Variants in DSC2 observed in about 807,000 individuals in gnomAD.
The protein encoded by DSC2 is desmocollin-2.
Under a neutral mutation model 87.6 loss-of-function variants are expected in DSC2, and 51 were observed. That is an observed-to-expected ratio of 0.58 (90% confidence interval 0.46 to 0.74). The LOEUF (loss-of-function observed/expected upper bound fraction) is 0.74. DSC2 is among the 30% of genes least tolerant of loss of function. The pLI is 0.00. For synonymous variants in DSC2, 383 were observed against 393.2 expected (o/e 0.97, Z 0.31); for missense variants, 1,066 against 1,089.5 (o/e 0.98, Z 0.30).
intron 11 of DSC2, among the ~76,000 whole-genome samples, chr18:31,077,381 CA>C (rs1987058818): frequency 6.6e-6 from 1 of 152,182 alleles, no homozygotes; most frequent in Non-Finnish European, 1.5e-5. Context: ...TCCACACACA[CA>C]ATTGAGAGCA....
At position 31,066,607 on chromosome 18, in the gene DSC2, T is replaced by C. The variant is rs539091896; in HGVS notation, c.*1408A>G. ...AAATATTAGAAACACATTTAAAATGTCCATATGTTTAGTATAAATAGAAAA... is the reference window on the plus strand; with the variant it reads ...AAATATTAGAAACACATTTAAAATGCCCATATGTTTAGTATAAATAGAAAA... On this transcript the variant is annotated 3_prime_UTR_variant, in exon 16 of 16. Transcript: ENST00000280904. The C allele has an allele frequency of 1.1e-4, 16 of 152,044 alleles. No homozygotes were observed. Among genetic ancestry groups the C allele is most frequent in the East Asian group, 9.6e-4 (5 of 5,196 alleles). 9.4% of individuals were successfully genotyped at this position (152,044 alleles called of 1,614,324 possible).
intron 1 of DSC2, chr18:31,101,198 A>C (rs1484796207): frequency 2.0e-6 from 2 of 985,060 alleles, no homozygotes; most frequent in Non-Finnish European, 2.4e-6. Context: ...TTAAGAAACC[A>C]CTGAAACTGT....
At chr18:31,085,979 C>G (rs982966987) in intron 7 of DSC2, among the ~76,000 whole-genome samples, 1 of 151,574 alleles carries the variant, frequency 6.6e-6, no homozygotes, top group Non-Finnish European at 1.5e-5. Flanking sequence ...TTCAGGGGGG[C>G]CAAGAGACAT....
chr18:31,082,818 A>G (rs988707163), intron 8 of DSC2, 108 bp downstream of exon 8: 8 of 1,314,582 alleles, frequency 6.1e-6, no homozygotes, highest in East Asian at 4.9e-5. Context: ...TCGGCCTCCC[A>G]AAGTGCTGAG....
Position 31,087,762 on chromosome 18 carries a change from G to A in DSC2, c.682C>T (p.Pro228Ser). ...PDGYTPELPL[P>S]LIIKIEDEND... ...TCATCCTCTATTTTGATTATTAGGG[G>A]CAGTGGAAGTTCTGGAGTATACCCA... The change falls in exon 6 of 16, where the codon CCC (proline) becomes TCC (serine). Residue 228 changes from proline to serine, a missense_variant. Pro to Ser is a moderately conservative substitution (Grantham distance 74, BLOSUM62 -1). Coordinates refer to ENST00000280904, the MANE Select transcript of DSC2 (RefSeq NM_024422.6). 1 of 1,613,726 alleles carries A rather than the reference G, an allele frequency of 6.2e-7. No homozygotes were observed. The highest frequency in any genetic ancestry group is 8.5e-7 in the Non-Finnish European group (1 of 1,179,738).
intron 11 of DSC2, among the ~76,000 whole-genome samples, chr18:31,076,882 C>G (rs1305924451): frequency 6.6e-6 from 1 of 152,050 alleles, no homozygotes; most frequent in Non-Finnish European, 1.5e-5. Context: ...ATCGACAGAA[C>G]AAGAAGCATC....
chr18:31,098,004 C>T (rs1987816768), intron 1 of DSC2, among the ~76,000 whole-genome samples: 1 of 152,162 alleles, frequency 6.6e-6, no homozygotes, highest in African/African-American at 2.4e-5. Flanking sequence ...TCTTGACTTA[C>T]AAGAGCTCTT....
rs1358303887 is a variant in DSC2 at position 31,063,124 on chromosome 18, A to C, written c.*4891T>G. On this transcript the variant is annotated 3_prime_UTR_variant, in exon 16 of 16. Coordinates refer to ENST00000280904, the MANE Select transcript of DSC2 (RefSeq NM_024422.6). ...TGCTGACAGATCACTTGAGGTCAGG[A>C]GTTCAAGACCAGCCTGGCCAACATG... The C allele has an allele frequency of 3.3e-5, 5 of 152,104 alleles. No individual in the cohort carries two copies. The highest frequency in any genetic ancestry group is 1.2e-4 in the African/African-American group (5 of 41,394). 9.4% of individuals were successfully genotyped at this position (152,104 alleles called of 1,614,324 possible).
At chr18:31,089,177 A>AAC (rs1472889706) in intron 5 of DSC2, among the ~76,000 whole-genome samples, 1 of 151,734 alleles carries the variant, frequency 6.6e-6, no homozygotes, top group African/African-American at 2.4e-5. Flanking sequence ...AAAAAAAAAA[A>AAC]AAAAAACTGT....
Position 31,102,272 on chromosome 18 carries a change from G to A in DSC2, c.-301C>T, listed in dbSNP as rs945961287. On this transcript the variant is annotated 5_prime_UTR_variant, in exon 1 of 16. Transcript: ENST00000280904. ...CATTTCTCTAAGAAAGCCACGGGTGGGAACTCCCTCTCGCCGCCACCCTTT... is the reference window on the plus strand; with the variant it reads ...CATTTCTCTAAGAAAGCCACGGGTGAGAACTCCCTCTCGCCGCCACCCTTT... The A allele has an allele frequency of 6.1e-6, 2 of 327,160 alleles. No individual in the cohort carries two copies. Among genetic ancestry groups the A allele is most frequent in the Non-Finnish European group, 1.1e-5 (2 of 181,786 alleles). 20.3% of individuals were successfully genotyped at this position (327,160 alleles called of 1,614,324 possible).
rs1299475740 is a variant in DSC2, at chr18:31,087,806, G to A, written c.638C>T (p.Ala213Val). ...ATACCCATCTGGAGTTGTTGCAAAG[G>A]CAATTATCTGTGAAGAGAGTAAAAT... ...REQYESFEII[A>V]FATTPDGYTP... Residue 213 changes from alanine to valine, a missense_variant, in exon 6 of 16, where the codon GCC becomes GTC. Transcript: ENST00000280904. The A allele has an allele frequency of 1.9e-6, 3 of 1,613,564 alleles. No individual in the cohort carries two copies. The highest frequency in any genetic ancestry group is 2.2e-5 in the East Asian group (1 of 44,826).
intron 8 of DSC2, 133 bp from the exon 9 acceptor site, chr18:31,082,556 A>C: frequency 1.2e-6 from 1 of 826,106 alleles, no homozygotes; most frequent in Non-Finnish European, 1.9e-6. Flanking sequence ...GCACTATACA[A>C]CTTTTAATGT....
At chr18:31,101,861 G>A in intron 1 of DSC2, 42 bp downstream of exon 1, 1 of 1,518,448 alleles carries the variant, frequency 6.6e-7, no homozygotes, top group Non-Finnish European at 8.8e-7. Context: ...CACCCTAGGC[G>A]ATCGCCCCCT....
At position 31,073,372 on chromosome 18, in the gene DSC2, C is replaced by T. The variant is rs576530335; in HGVS notation, c.1888+1311G>A. On this transcript the variant is annotated intron_variant, in intron 12 of 15. Coordinates refer to ENST00000280904, the MANE Select transcript of DSC2 (RefSeq NM_024422.6). ...AACTGATAACCCCGATACACACACA[C>T]GCACACACACACACACACACACACA... Among the ~76,000 whole-genome samples, 110 of 50,780 alleles carry T rather than the reference C, an allele frequency of 2.2e-3. 2 individuals carry two copies. Among genetic ancestry groups the T allele is most frequent in the Middle Eastern group, 0.024 (2 of 82 alleles). 33.3% of individuals were successfully genotyped at this position (50,780 alleles called of 152,430 possible).
chr18:31,079,981 T>C lies in DSC2; in HGVS notation c.1529A>G (p.Lys510Arg). Residue 510 changes from lysine to arginine, a missense_variant, in exon 11 of 16, where the codon AAA (lysine) becomes AGA (arginine). Lys to Arg is a conservative substitution (Grantham distance 26). Transcript: ENST00000280904. ...GACCCACCCTGTTGGATCAGTTAAT[T>C]TCTTATACCTGTTGGTAATGATGAA... ...TRSSSGIRYK[K>R]LTDPTGWVTI... The C allele has an allele frequency of 6.2e-7, 1 of 1,613,628 alleles. No individual in the cohort carries two copies. Among genetic ancestry groups the C allele is most frequent in the Non-Finnish European group, 8.5e-7 (1 of 1,179,748 alleles).
At chr18:31,096,389 G>T (rs977514222) in intron 1 of DSC2, among the ~76,000 whole-genome samples, 1 of 152,178 alleles carries the variant, frequency 6.6e-6, no homozygotes, top group Non-Finnish European at 1.5e-5. Context: ...ACTCTGCTTT[G>T]CTGGCCTCTG....
rs1986605175 is a variant in DSC2, at chr18:31,065,960, G to GAATTGTAC, written c.*2047_*2054dup. On this transcript the variant is annotated 3_prime_UTR_variant, in exon 16 of 16. Transcript: ENST00000280904. ...AATTGACCTTTTGTTAACATGAAATGAATTGTACATGTGACTTGTTTAAAA... is the reference window on the plus strand; with the variant it reads ...AATTGACCTTTTGTTAACATGAAATGAATTGTACAATTGTACATGTGACTTGTTTAAAA... 6.6e-6 allele frequency: 1 copy of GAATTGTAC among 152,138 alleles called. No homozygotes were observed. The highest frequency in any genetic ancestry group is 2.4e-5 in the African/African-American group (1 of 41,438). 9.4% of individuals were successfully genotyped at this position (152,138 alleles called of 1,614,324 possible).
chr18:31,067,985 A>G lies in DSC2; in HGVS notation c.*30T>C. The G allele has an allele frequency of 6.2e-7, 1 of 1,608,556 alleles. No homozygotes were observed. Among genetic ancestry groups the G allele is most frequent in the Non-Finnish European group, 8.5e-7 (1 of 1,175,480 alleles). On this transcript the variant is annotated 3_prime_UTR_variant, in exon 16 of 16. Transcript: ENST00000280904. The stretch of plus-strand genomic sequence containing the variant: ...AATTTTTTTTAAAAGTCATAAAGCC[A>G]CTGGCTTTCAGAGACTTATTAGAAC...
chr18:31,080,789 C>T (rs9304078), intron 9 of DSC2, among the ~76,000 whole-genome samples: 4 of 151,972 alleles, frequency 2.6e-5, no homozygotes, highest in Non-Finnish European at 5.9e-5. Context: ...TGTGGAACTG[C>T]GAGTCAGTTA....
Sources: gnomAD v4.1 joint callset for allele counts (sites outside exome capture counted in the v4.1 genomes callset) on GRCh38, gnomAD v4.1.1 for gene constraint, MANE v1.5 for transcripts, NCBI Gene and HGNC (gene_info 2026-07-23, HGNC 2026-07-21) for gene names.